The following SLX4IP variants were observed in gnomAD, a reference collection of about 807,000 sequenced individuals.
The protein encoded by SLX4IP is protein SLX4IP.
In SLX4IP, 34 loss-of-function variants were observed where a neutral mutation model predicts 32.9. The ratio of observed to expected loss-of-function variants is 1.03; its 90% CI spans 0.79 to 1.38. The LOEUF (loss-of-function observed/expected upper bound fraction) is 1.38, where lower values mean the gene tolerates loss of function less well. Among genes scored for constraint, SLX4IP ranks in the 40% most tolerant of loss-of-function variants. The pLI, the probability that SLX4IP is intolerant of heterozygous loss-of-function variation, is 0.00. For missense variants in SLX4IP, 444 were observed against 479.0 expected (o/e 0.93, Z 0.68); for synonymous variants, 172 against 171.7 (o/e 1.00, Z -0.01).
At chr20:10,525,000 C>T (rs1278744766) in intron 2 of SLX4IP, among the ~76,000 whole-genome samples, 1 of 152,182 alleles carries the variant, frequency 6.6e-6, no homozygotes, top group African/African-American at 2.4e-5. Context: ...TGCACCTATC[C>T]TCCCCTTTGG....
In SLX4IP at chr20:10,573,297, A is replaced by G. The variant is rs1301353840; in HGVS notation, c.238+12477A>G. 2.0e-5 allele frequency among the ~76,000 whole-genome samples: 3 copies of G among 152,310 alleles called. No homozygotes were observed. The East Asian group carries it at 5.8e-4, about 29-fold the overall frequency. On this transcript the variant is annotated intron_variant, in intron 4 of 7. Transcript: ENST00000334534. ...ACAAACCTTCAGGCATTTTCAGAGG[A>G]CAATGAAAACTTGCTCTAAAACACC...
chr20:10,584,566 T>A lies in SLX4IP; in HGVS notation c.239-14109T>A, dbSNP rs189307724. Among the ~76,000 whole-genome samples, 5 of 152,332 alleles carry A rather than the reference T, an allele frequency of 3.3e-5. No individual in the cohort carries two copies. In the East Asian group the frequency reaches 9.6e-4, roughly 29 times the overall value. ...TTCCAGACCTGTCTGAGCATCAGAA[T>A]TCCCTGGAGCTCTTTTAAAAGAATG... On this transcript the variant is annotated intron_variant, in intron 4 of 7. Coordinates refer to ENST00000334534, the MANE Select transcript of SLX4IP (RefSeq NM_001009608.3).
chr20:10,624,978 G>GGAAA lies in SLX4IP; in HGVS notation c.*1599_*1600insGAAA, dbSNP rs1326165702. 6.6e-6 allele frequency: 1 copy of GGAAA among 152,434 alleles called. No homozygotes were observed. The highest frequency in any genetic ancestry group is 2.4e-5 in the African/African-American group (1 of 41,438). The allele number at this position is 152,434 out of a possible 1,614,324, so 9.4% of individuals were successfully genotyped here. ...AGCCTCACCACCCCCACTTGAAACA[G>GGAAA]CCCTTCCTACTGGTATCCTGTCCTC... On this transcript the variant is annotated 3_prime_UTR_variant, in exon 8 of 8. Coordinates refer to ENST00000334534, the MANE Select transcript of SLX4IP (RefSeq NM_001009608.3).
intron 2 of SLX4IP, among the ~76,000 whole-genome samples, chr20:10,555,961 C>A (rs1157425579): frequency 6.6e-6 from 1 of 152,192 alleles, no homozygotes; most frequent in East Asian, 1.9e-4. Flanking sequence ...TGGACATCCC[C>A]TTTCAAGGTG....
intron 4 of SLX4IP, among the ~76,000 whole-genome samples, chr20:10,578,157 C>A (rs2066543067): frequency 6.6e-6 from 1 of 152,094 alleles, no homozygotes; most frequent in Admixed American, 6.5e-5. Flanking sequence ...AGTTGTGTAA[C>A]CATCACCAGA....
intron 2 of SLX4IP, among the ~76,000 whole-genome samples, chr20:10,545,832 C>T (rs1051279542): frequency 3.9e-5 from 6 of 152,160 alleles, no homozygotes; most frequent in African/African-American, 1.2e-4. Flanking sequence ...AAACTGGCCA[C>T]CCTTTAGAAC....
chr20:10,474,772 T>A (rs1043951436), intron 2 of SLX4IP, among the ~76,000 whole-genome samples: 1 of 152,238 alleles, frequency 6.6e-6, no homozygotes, highest in African/African-American at 2.4e-5. Flanking sequence ...TAATCGGGGC[T>A]GCTGAATCAG....
intron 1 of SLX4IP, among the ~76,000 whole-genome samples, chr20:10,446,039 A>T (rs931743794): frequency 2.0e-5 from 3 of 150,322 alleles, no homozygotes; most frequent in Non-Finnish European, 4.4e-5. Context: ...ATGCCAGGGT[A>T]TAAAGGTACT....
chr20:10,570,510 T>TCA (rs1377492036), intron 4 of SLX4IP, among the ~76,000 whole-genome samples: 2 of 152,184 alleles, frequency 1.3e-5, no homozygotes, highest in Non-Finnish European at 2.9e-5. Flanking sequence ...CTCCTATGTA[T>TCA]CACACACATA....
At chr20:10,500,816 GC>G (rs2065711657) in intron 2 of SLX4IP, among the ~76,000 whole-genome samples, 1 of 152,088 alleles carries the variant, frequency 6.6e-6, no homozygotes, top group Non-Finnish European at 1.5e-5. Context: ...TGCATGCTTT[GC>G]CCCTCATGAT....
chr20:10,547,160 G>A (rs1286522020), intron 2 of SLX4IP, among the ~76,000 whole-genome samples: 1 of 152,300 alleles, frequency 6.6e-6, no homozygotes, highest in East Asian at 1.9e-4. Flanking sequence ...CTCTTTCTCA[G>A]TAGGATACCA....
chr20:10,569,289 G>A (rs541869366), intron 4 of SLX4IP, among the ~76,000 whole-genome samples: 6 of 151,326 alleles, frequency 4.0e-5, no homozygotes, highest in East Asian at 2.0e-4. Flanking sequence ...AGGTTCAAGC[G>A]ATTCTCCTGC....
At chr20:10,607,605 A>G (rs1230015056) in intron 6 of SLX4IP, among the ~76,000 whole-genome samples, 1 of 152,100 alleles carries the variant, frequency 6.6e-6, no homozygotes, top group East Asian at 1.9e-4. Flanking sequence ...TTAGGGCCAC[A>G]CCCTCAGCAA....
intron 2 of SLX4IP, among the ~76,000 whole-genome samples, chr20:10,489,764 G>A (rs1297241854): frequency 6.6e-6 from 1 of 152,200 alleles, no homozygotes; most frequent in African/African-American, 2.4e-5. Context: ...GTACTCCTCA[G>A]TGAGAGGGAA....
rs142269384 is a variant in SLX4IP, at chr20:10,558,438, G to T, written c.117+2118G>T. Among the ~76,000 whole-genome samples, 1,372 of 151,994 alleles carry T rather than the reference G, an allele frequency of 9.0e-3. 26 individuals are homozygous for T. The highest frequency in any genetic ancestry group is 0.031 in the African/African-American group (1,301 of 41,462). On this transcript the variant is annotated intron_variant, in intron 3 of 7. Transcript: ENST00000334534. Reference sequence around the variant, plus strand: ...AAGGAGAAAAGCTAGTTGAAGAAAGGCTATGACTTTAGCTTAGGTTCAGTG... The same window carrying T: ...AAGGAGAAAAGCTAGTTGAAGAAAGTCTATGACTTTAGCTTAGGTTCAGTG...
At position 10,487,068 on chromosome 20, in the gene SLX4IP, T is replaced by C. The variant is rs535906218; in HGVS notation, c.27+28837T>C. Among the ~76,000 whole-genome samples the C allele has an allele frequency of 2.0e-4, 30 of 152,338 alleles. 1 individual carries two copies. The South Asian group carries it at 5.6e-3, about 28-fold the overall frequency. On this transcript the variant is annotated intron_variant, in intron 2 of 7. Coordinates refer to ENST00000334534, the MANE Select transcript of SLX4IP (RefSeq NM_001009608.3). Reference sequence around the variant, plus strand: ...TTTGGATTAGAGCCGCCTGCACGCTTTTCTAACTCTGAATGCCTCTGTTCT... The same window carrying C: ...TTTGGATTAGAGCCGCCTGCACGCTCTTCTAACTCTGAATGCCTCTGTTCT...
chr20:10,578,923 G>A (rs1368904172), intron 4 of SLX4IP, among the ~76,000 whole-genome samples: 1 of 152,046 alleles, frequency 6.6e-6, no homozygotes, highest in Non-Finnish European at 1.5e-5. Flanking sequence ...TGGGTTATTA[G>A]TCTTTTTATT....
intron 3 of SLX4IP, among the ~76,000 whole-genome samples, chr20:10,560,374 T>G (rs939213279): frequency 6.6e-6 from 1 of 152,234 alleles, no homozygotes; most frequent in Admixed American, 6.5e-5. Flanking sequence ...TATGAAAGCA[T>G]TCTTTACCAT....
chr20:10,562,527 G>T (rs1165753960), intron 4 of SLX4IP, among the ~76,000 whole-genome samples: 1 of 152,036 alleles, frequency 6.6e-6, no homozygotes, highest in Non-Finnish European at 1.5e-5. Context: ...GTCTCGGGGG[G>T]TTTTATAGGC....
Sources: gnomAD v4.1 joint callset for allele counts (sites outside exome capture counted in the v4.1 genomes callset) on GRCh38, gnomAD v4.1.1 for gene constraint, MANE v1.5 for transcripts, NCBI Gene and HGNC (gene_info 2026-07-23, HGNC 2026-07-21) for gene names.